GPR158: variants seen among roughly 807,000 people sequenced by gnomAD.
GPR158 encodes G protein-coupled receptor 158, also known as metabotropic glycine receptor.
A neutral mutation model predicts 78.2 loss-of-function variants in GPR158; 30 were observed. The ratio of observed to expected loss-of-function variants is 0.38; its 90% CI spans 0.29 to 0.52. The LOEUF (loss-of-function observed/expected upper bound fraction) is 0.52. GPR158 is among the 20% of genes least tolerant of loss of function. The pLI, the probability that GPR158 is intolerant of heterozygous loss-of-function variation, is 0.83. For missense variants in GPR158, 1,463 were observed against 1,523.5 expected, an observed-to-expected ratio of 0.96 and a Z score of 0.66; for synonymous variants, 581 against 591.1, an observed-to-expected ratio of 0.98 and a Z score of 0.25.
intron 10 of GPR158, 107 bp downstream of exon 10, chr10:25,596,896 G>T (rs1348311808): frequency 1.2e-6 from 1 of 855,894 alleles, no homozygotes. Context: ...ACTCATGTTT[G>T]TGCATGTATG....
chr10:25,489,822 A>G (rs1159817933), intron 5 of GPR158, among the ~76,000 whole-genome samples: 1 of 152,198 alleles, frequency 6.6e-6, no homozygotes, highest in African/African-American at 2.4e-5. Flanking sequence ...AACTAAAATC[A>G]GATTCTTACC....
intron 4 of GPR158, among the ~76,000 whole-genome samples, chr10:25,429,704 A>G (rs949671328): frequency 6.7e-6 from 1 of 150,254 alleles, no homozygotes; most frequent in South Asian, 2.1e-4. Flanking sequence ...GGCTGGTTCA[A>G]TATATGCAAA....
intron 5 of GPR158, among the ~76,000 whole-genome samples, chr10:25,478,741 C>T (rs1835623411): frequency 4.6e-5 from 7 of 151,512 alleles, no homozygotes; most frequent in Admixed American, 3.3e-4. Flanking sequence ...GTGTGCTGCA[C>T]CCATTAACTC....
intron 4 of GPR158, among the ~76,000 whole-genome samples, chr10:25,462,280 G>T (rs1835366972): frequency 6.6e-6 from 1 of 152,102 alleles, no homozygotes; most frequent in East Asian, 1.9e-4. Context: ...TGATTTACTG[G>T]ATATTTTAAG....
At chr10:25,296,507 G>A (rs72792079) in intron 2 of GPR158, among the ~76,000 whole-genome samples, 3,810 of 152,140 alleles carry the variant, frequency 0.025, 73 homozygotes, top group Non-Finnish European at 0.039. Flanking sequence ...TCTATTGATT[G>A]ATTGATTGAT....
intron 7 of GPR158, among the ~76,000 whole-genome samples, chr10:25,588,255 G>A (rs1305353186): frequency 6.6e-6 from 1 of 152,166 alleles, no homozygotes; most frequent in African/African-American, 2.4e-5. Flanking sequence ...GACCAGAGAG[G>A]TTAAGTAAAT....
chr10:25,430,558 A>G (rs1834887339), intron 4 of GPR158, among the ~76,000 whole-genome samples: 2 of 150,932 alleles, frequency 1.3e-5, no homozygotes, highest in African/African-American at 4.9e-5. Context: ...CGCCAAGTCA[A>G]TCCTAAGCCA....
chr10:25,253,654 G>T (rs1853847081), intron 2 of GPR158, among the ~76,000 whole-genome samples: 2 of 152,070 alleles, frequency 1.3e-5, no homozygotes, highest in South Asian at 4.1e-4. Flanking sequence ...AATGAATGAT[G>T]CTCTATAAAC....
chr10:25,368,146 G>C (rs948282393), intron 2 of GPR158, among the ~76,000 whole-genome samples: 2 of 151,828 alleles, frequency 1.3e-5, no homozygotes, highest in Admixed American at 1.3e-4. Context: ...ATGAAGTACT[G>C]TCTATTTGAT....
chr10:25,429,599 C>G (rs1387957665), intron 4 of GPR158, among the ~76,000 whole-genome samples: 2 of 151,938 alleles, frequency 1.3e-5, no homozygotes, highest in Non-Finnish European at 1.5e-5. Context: ...AACATTGATG[C>G]AAAAATCCTC....
Position 25,335,493 on chromosome 10 carries a change from T to C in GPR158, c.1009-60418T>C, listed in dbSNP as rs147888363. Among the ~76,000 whole-genome samples the C allele has an allele frequency of 1.2e-4, 18 of 152,162 alleles. No homozygotes were observed. In the East Asian group the frequency reaches 3.5e-3, roughly 29 times the overall value. On this transcript the variant is annotated intron_variant, in intron 2 of 10. Coordinates refer to ENST00000376351, the MANE Select transcript of GPR158 (RefSeq NM_020752.3). ...ATTCCAATAGTCCATGGCTTTAGTG[T>C]ATGAAAAATGTTCTTCTGCTATTGC...
chr10:25,532,719 A>T (rs182005693), intron 5 of GPR158, among the ~76,000 whole-genome samples: 13 of 146,780 alleles, frequency 8.9e-5, no homozygotes, highest in African/African-American at 2.8e-4. Context: ...TTCCTTTATT[A>T]CAAAAGTGAC....
At chr10:25,471,059 T>C (rs1443478361) in intron 5 of GPR158, among the ~76,000 whole-genome samples, 2 of 152,072 alleles carry the variant, frequency 1.3e-5, no homozygotes, top group Admixed American at 6.6e-5. Context: ...GCTGCACCCA[T>C]TAACTTGTCA....
intron 5 of GPR158, among the ~76,000 whole-genome samples, chr10:25,499,395 C>G (rs7073280): frequency 0.069 from 10,496 of 152,178 alleles, 1,038 homozygotes; most frequent in African/African-American, 0.2. Context: ...GCTGGGATGC[C>G]TTGGTACCAA....
intron 2 of GPR158, among the ~76,000 whole-genome samples, chr10:25,307,366 T>C (rs1019343752): frequency 4.4e-5 from 6 of 137,886 alleles, no homozygotes; most frequent in African/African-American, 1.6e-4. Flanking sequence ...TACTCTCGTG[T>C]ATTTTAATTG....
At chr10:25,477,838 TCATATAGAGAGCAAAAGA>T (rs1365623087) in intron 5 of GPR158, among the ~76,000 whole-genome samples, 1 of 152,142 alleles carries the variant, frequency 6.6e-6, no homozygotes, top group Non-Finnish European at 1.5e-5. Context: ...AAATACTGGC[TCATATAGAGAGCAAAAGA>T]CATCAGAGAT....
chr10:25,386,456 G>A (rs756766220), intron 2 of GPR158, among the ~76,000 whole-genome samples: 1 of 152,024 alleles, frequency 6.6e-6, no homozygotes, highest in Non-Finnish European at 1.5e-5. Context: ...ACATTTTTTC[G>A]ATTTCTGCAA....
At chr10:25,475,671 T>C (rs907340550) in intron 5 of GPR158, 4 of 152,156 alleles carry the variant, frequency 2.6e-5, no homozygotes, top group Admixed American at 2.6e-4. Flanking sequence ...AAAAATCTAA[T>C]AATTTGTTGG....
chr10:25,430,818 G>C (rs968207128), intron 4 of GPR158, among the ~76,000 whole-genome samples: 1 of 151,114 alleles, frequency 6.6e-6, no homozygotes, highest in African/African-American at 2.4e-5. Context: ...TATGTAGAAA[G>C]CTGAAACTGG....
Sources: gnomAD v4.1 joint callset for allele counts (sites outside exome capture counted in the v4.1 genomes callset) on GRCh38, gnomAD v4.1.1 for gene constraint, MANE v1.5 for transcripts, NCBI Gene and HGNC (gene_info 2026-07-23, HGNC 2026-07-21) for gene names.